The following DNASE1 variants were observed in gnomAD, a reference collection of about 807,000 sequenced individuals.
DNASE1 encodes deoxyribonuclease-1.
DNASE1 carries 40 observed loss-of-function variants against 33.9 expected under a neutral mutation model. The ratio of observed to expected loss-of-function variants is 1.18; its 90% CI spans 0.92 to 1.54. The LOEUF (loss-of-function observed/expected upper bound fraction) is 1.54, where lower values mean the gene tolerates loss of function less well. Among genes scored for constraint, DNASE1 ranks in the 40% most tolerant of loss-of-function variants. The probability of loss-of-function intolerance (pLI) is 0.00; values close to 1 mark genes in which losing one functional copy is unlikely to be tolerated. For synonymous variants in DNASE1, 216 were observed against 160.0 expected (o/e 1.35, Z -2.64); for missense variants, 518 against 372.6 (o/e 1.39, Z -3.21).
Position 3,617,356 on chromosome 16 carries a change from A to C in DNASE1, c.-1359+5350A>C, listed in dbSNP as rs368940027. Among the ~76,000 whole-genome samples the C allele has an allele frequency of 3.0e-3, 447 of 149,030 alleles. 2 individuals carry two copies. Among genetic ancestry groups the C allele is most frequent in the Middle Eastern group, 0.01 (3 of 288 alleles). The stretch of plus-strand genomic sequence containing the variant: ...AAAAAAAAAAAAAAAAAAAAAAAGA[A>C]TACTACAAGGGTAAATCTTTATGAC... On this transcript the variant is annotated intron_variant and NMD_transcript_variant, in intron 1 of 11. Coordinates refer to the DNASE1 transcript ENST00000570769.
downstream of DNASE1, chr16:3,663,051 T>C (rs1293333425): frequency 9.8e-7 from 1 of 1,022,324 alleles, no homozygotes; most frequent in African/African-American, 1.6e-5. Flanking sequence ...TGCTTCCAGC[T>C]CCCACCTCCT....
intron 1 of DNASE1, among the ~76,000 whole-genome samples, chr16:3,616,556 G>A (rs1010645208): frequency 6.6e-5 from 10 of 152,190 alleles, no homozygotes; most frequent in Non-Finnish European, 1.5e-4. Flanking sequence ...AGGAGATGGA[G>A]GTTGCAGTGA....
intron 1 of DNASE1, among the ~76,000 whole-genome samples, chr16:3,646,856 G>A (rs563272863): frequency 4.9e-4 from 74 of 152,252 alleles, no homozygotes; most frequent in South Asian, 2.5e-3. Flanking sequence ...GCGGGGCTGA[G>A]GGGGAGCGGG....
chr16:3,631,779 T>C (rs1044294496), intron 1 of DNASE1, among the ~76,000 whole-genome samples: 1 of 152,178 alleles, frequency 6.6e-6, no homozygotes, highest in Non-Finnish European at 1.5e-5. Flanking sequence ...CACCTCGGCC[T>C]CCCAAAGTGC....
chr16:3,658,378 CCAAAGTGCTGGG>C, downstream of DNASE1: 1 of 679,510 alleles, frequency 1.5e-6, no homozygotes, highest in East Asian at 2.7e-5. Flanking sequence ...CCCCCGCCTC[CCAAAGTGCTGGG>C]ATTACAGGCG....
At chr16:3,624,194 G>A (rs543172470) in intron 1 of DNASE1, among the ~76,000 whole-genome samples, 18 of 151,840 alleles carry the variant, frequency 1.2e-4, no homozygotes, top group African/African-American at 4.1e-4. Context: ...GCTTGAACCC[G>A]GGAGGCAGAG....
intron 1 of DNASE1, among the ~76,000 whole-genome samples, chr16:3,628,441 G>C (rs960454838): frequency 6.6e-6 from 1 of 151,958 alleles, no homozygotes; most frequent in Non-Finnish European, 1.5e-5. Context: ...GCTATGGCTA[G>C]AACTTCCAGT....
chr16:3,657,976 G>T lies in DNASE1; in HGVS notation c.*23G>T, dbSNP rs762867950. ...TGAGCAGCCCCTCCCCACACCAGTT[G>T]AACTGCAGGAAGAGAGGACCCATCC... On this transcript the variant is annotated 3_prime_UTR_variant, in exon 9 of 9. Coordinates refer to ENST00000246949, the MANE Select transcript of DNASE1 (RefSeq NM_005223.4). 6.2e-7 allele frequency: 1 copy of T among 1,613,562 alleles called. No homozygotes were observed. The highest frequency in any genetic ancestry group is 8.5e-7 in the Non-Finnish European group (1 of 1,179,888).
chr16:3,662,466 C>T (rs1157596418), downstream of DNASE1: 7 of 525,456 alleles, frequency 1.3e-5, no homozygotes, highest in Admixed American at 9.4e-5. Context: ...ACGCTCATTT[C>T]TCACTCTGAG....
Position 3,628,490 on chromosome 16 carries a change from T to C in DNASE1, c.-1358-12225T>C, listed in dbSNP as rs180750239. Among the ~76,000 whole-genome samples the C allele has an allele frequency of 8.5e-5, 13 of 152,268 alleles. No homozygotes were observed. In the East Asian group the frequency reaches 2.1e-3, roughly 25 times the overall value. ...GTAGTGGTAAAGGTGAATGTTCTCA[T>C]CTTAGAAGAAAATTTTTTAGTCATT... On this transcript the variant is annotated intron_variant and NMD_transcript_variant, in intron 1 of 11. Coordinates refer to the DNASE1 transcript ENST00000570769.
At chr16:3,647,080 G>A (rs934210319) in intron 1 of DNASE1, among the ~76,000 whole-genome samples, 2 of 152,146 alleles carry the variant, frequency 1.3e-5, no homozygotes, top group Non-Finnish European at 2.9e-5. Flanking sequence ...GCAGGGGAGT[G>A]TTTCCTAAGC....
At chr16:3,653,829 A>AAAAAAAAAAAAAAAACAAC (rs2042429402), upstream of DNASE1, 1 of 147,696 alleles carries the variant, frequency 6.8e-6, no homozygotes, top group African/African-American at 2.5e-5. Flanking sequence ...AAAAAAAAAA[A>AAAAAAAAAAAAAAAACAAC]AAAAAAAAAA....
At chr16:3,633,789 T>C (rs923316038) in intron 1 of DNASE1, among the ~76,000 whole-genome samples, 3 of 152,124 alleles carry the variant, frequency 2.0e-5, no homozygotes, top group Non-Finnish European at 4.4e-5. Context: ...ATTTCACTTA[T>C]TCAAAAGCGA....
At chr16:3,641,145 T>G (rs2042013051), upstream of DNASE1, 4 of 394,176 alleles carry the variant, frequency 1.0e-5, no homozygotes, top group Non-Finnish European at 1.3e-5. Context: ...ATGGCCCTGC[T>G]GCAGCTCCAC....
intron 1 of DNASE1, among the ~76,000 whole-genome samples, chr16:3,627,382 T>G (rs956973269): frequency 6.6e-6 from 1 of 151,438 alleles, no homozygotes; most frequent in Non-Finnish European, 1.5e-5. Context: ...CAAGCCATCC[T>G]CCCACCTAAG....
downstream of DNASE1, chr16:3,658,798 C>G (rs551502208): frequency 3.1e-6 from 5 of 1,613,676 alleles, no homozygotes; most frequent in Admixed American, 6.7e-5. Context: ...CTCACCTGAT[C>G]CACCAGCAGC....
At chr16:3,620,482 CTACTT>C (rs1311192291) in intron 1 of DNASE1, among the ~76,000 whole-genome samples, 6 of 146,076 alleles carry the variant, frequency 4.1e-5, no homozygotes, top group Non-Finnish European at 7.5e-5. Context: ...TCATGCCACT[CTACTT>C]TAGCCTGGGT....
intron 1 of DNASE1, among the ~76,000 whole-genome samples, chr16:3,633,741 G>T (rs77673843): frequency 2.0e-3 from 298 of 152,124 alleles, no homozygotes; most frequent in African/African-American, 6.7e-3. Context: ...AGTATTCTCA[G>T]TTCATCCTTA....
chr16:3,635,248 A>G (rs1337969982), intron 1 of DNASE1, among the ~76,000 whole-genome samples: 6 of 152,050 alleles, frequency 3.9e-5, no homozygotes, highest in Admixed American at 3.3e-4. Flanking sequence ...GCTTGAGGTC[A>G]GGAGTTCAAG....
Sources: gnomAD v4.1 joint callset for allele counts (sites outside exome capture counted in the v4.1 genomes callset) on GRCh38, gnomAD v4.1.1 for gene constraint, MANE v1.5 for transcripts, NCBI Gene and HGNC (gene_info 2026-07-23, HGNC 2026-07-21) for gene names.